TMEM167A: variants seen among roughly 807,000 people sequenced by gnomAD.
The protein encoded by TMEM167A is transmembrane protein 167A.
A neutral mutation model predicts 11.6 loss-of-function variants in TMEM167A; 8 were observed. The ratio of observed to expected loss-of-function variants is 0.69; its 90% CI spans 0.40 to 1.24. TMEM167A has a LOEUF of 1.24. Ranked by LOEUF, TMEM167A falls within the 50% of genes most tolerant of loss-of-function variation. The pLI, the probability that TMEM167A is intolerant of heterozygous loss-of-function variation, is 0.01. For missense variants in TMEM167A, 62 were observed against 87.0 expected, an observed-to-expected ratio of 0.71 and a Z score of 1.14; for synonymous variants, 22 against 28.0, an observed-to-expected ratio of 0.79 and a Z score of 0.67.
chr5:83,065,089 A>G lies in TMEM167A; in HGVS notation c.32T>C (p.Leu11Ser), dbSNP rs1442711139. ...ACATATAAGCAGCAAGATTACAGTC[A>G]ATAGACTCTGAAAATTGAAAATGGC... Reference protein sequence around the residue: MSAIFNFQSLLTVILLLICTC... With the variant: MSAIFNFQSLSTVILLLICTC... The change falls in exon 2 of 4, where the codon TTG becomes TCG. Residue 11 changes from leucine (L) to serine (S), a missense_variant. Physicochemically the swap from Leu to Ser is moderately radical, Grantham distance 145. Transcript: ENST00000502346. The G allele has an allele frequency of 6.9e-6, 11 of 1,593,564 alleles. No homozygotes were observed. Among genetic ancestry groups the G allele is most frequent in the Non-Finnish European group, 9.4e-6 (11 of 1,173,662 alleles).
chr5:83,066,570 T>C lies in TMEM167A; in HGVS notation c.4-1453A>G, dbSNP rs901248501. Among the ~76,000 whole-genome samples the C allele has an allele frequency of 4.6e-5, 7 of 152,268 alleles. No homozygotes were observed. In the East Asian group the frequency reaches 1.3e-3, roughly 29 times the overall value. On this transcript the variant is annotated intron_variant, in intron 1 of 3. Transcript: ENST00000502346. ...CTAGGAATAAGCTTAACAAGAAATG[T>C]GCAACATTGGCATCAAAGAAAAAAA...
At chr5:83,065,611 G>A (rs182116241) in intron 1 of TMEM167A, among the ~76,000 whole-genome samples, 4 of 151,682 alleles carry the variant, frequency 2.6e-5, no homozygotes, top group Non-Finnish European at 5.9e-5. Flanking sequence ...CCAAAATGAT[G>A]CTAAAAAAAA....
rs926335505 is a variant in TMEM167A, at chr5:83,074,718, C to T, written c.3+2603G>A. Among the ~76,000 whole-genome samples the T allele has an allele frequency of 3.9e-5, 6 of 152,102 alleles. No individual in the cohort carries two copies. The East Asian group carries it at 5.8e-4, about 15-fold the overall frequency. On this transcript the variant is annotated intron_variant, in intron 1 of 3. Transcript: ENST00000502346. ...ATGGAATTTACTTATTTAATAATTT[C>T]CCCCACTGGACTGTGAAATCCTTGA...
At chr5:83,062,096 C>G (rs532821263) in intron 2 of TMEM167A, 185 bp from the exon 3 acceptor site, 10 of 521,698 alleles carry the variant, frequency 1.9e-5, no homozygotes, top group Non-Finnish European at 3.1e-5. Context: ...GACACAATGA[C>G]ATATCAACCA....
chr5:83,073,721 G>A lies in TMEM167A; in HGVS notation c.3+3600C>T, dbSNP rs113694380. ...ACCAAGAGAAAATCCATGCAGACAT[G>A]GGAAGAACAGACATGAAGACAACGT... On this transcript the variant is annotated intron_variant, in intron 1 of 3. Transcript: ENST00000502346. Among the ~76,000 whole-genome samples the A allele has an allele frequency of 8.9e-4, 135 of 152,274 alleles. No homozygotes were observed. The Middle Eastern group carries it at 0.014, about 15-fold the overall frequency.
chr5:83,073,030 T>C (rs974718445), intron 1 of TMEM167A, among the ~76,000 whole-genome samples: 3 of 152,190 alleles, frequency 2.0e-5, no homozygotes, highest in African/African-American at 4.8e-5. Flanking sequence ...ACTCCTGACA[T>C]AAAAAATTTG....
At chr5:83,073,023 C>A (rs1220702796) in intron 1 of TMEM167A, among the ~76,000 whole-genome samples, 2 of 152,190 alleles carry the variant, frequency 1.3e-5, no homozygotes, top group African/African-American at 4.8e-5. Context: ...CTCACCCACT[C>A]CTGACATAAA....
At chr5:83,064,951 T>C in intron 2 of TMEM167A, 57 bp downstream of exon 2, 2 of 1,016,412 alleles carry the variant, frequency 2.0e-6, no homozygotes, top group East Asian at 4.8e-5. Context: ...ATATGTTAAC[T>C]TACATTGAAC....
intron 2 of TMEM167A, among the ~76,000 whole-genome samples, chr5:83,062,444 C>G (rs1239127120): frequency 6.6e-6 from 1 of 151,904 alleles, no homozygotes; most frequent in African/African-American, 2.4e-5. Context: ...TAAAAATGTG[C>G]CTATATTTTC....
chr5:83,073,684 G>A (rs1017368267), intron 1 of TMEM167A, among the ~76,000 whole-genome samples: 11 of 152,194 alleles, frequency 7.2e-5, no homozygotes, highest in Admixed American at 2.0e-4. Flanking sequence ...GGATGTAGAA[G>A]GGAACTGGAG....
chr5:83,056,779 T>A lies in TMEM167A; in HGVS notation c.*305A>T, dbSNP rs921211005. On this transcript the variant is annotated 3_prime_UTR_variant, in exon 4 of 4. Transcript: ENST00000502346. ...CTTGAGTAATTAACCAATTTTGTTT[T>A]CTACTATGTGCCTTAGAGATACCTC... is the stretch of plus-strand genomic sequence containing the variant. The A allele has an allele frequency of 6.2e-6, 2 of 323,308 alleles. No individual in the cohort carries two copies. The highest frequency in any genetic ancestry group is 1.1e-5 in the Non-Finnish European group (2 of 176,300). The allele number at this position is 323,308 out of a possible 1,614,324, so 20.0% of individuals were successfully genotyped here.
chr5:83,077,139 A>G lies in TMEM167A; in HGVS notation c.3+182T>C, dbSNP rs551339785. 5.9e-5 allele frequency among the ~76,000 whole-genome samples: 9 copies of G among 152,344 alleles called. No homozygotes were observed. The East Asian group carries it at 1.7e-3, about 29-fold the overall frequency. On this transcript the variant is annotated intron_variant, in intron 1 of 3. Coordinates refer to ENST00000502346, the MANE Select transcript of TMEM167A (RefSeq NM_174909.5). ...TGCATGAGGGGCGGGCTGCCGACCCAGCAGTCTTCCTCGGACAGTCCGTCC... is the reference window on the plus strand; with the variant it reads ...TGCATGAGGGGCGGGCTGCCGACCCGGCAGTCTTCCTCGGACAGTCCGTCC...
At chr5:83,057,228 T>A (rs1170026496) in intron 3 of TMEM167A, 74 bp from the exon 4 acceptor site, 2 of 1,383,148 alleles carry the variant, frequency 1.4e-6, no homozygotes, top group Non-Finnish European at 2.0e-6. Context: ...TATACTACCA[T>A]AAGAATCAAG....
Position 83,057,168 on chromosome 5 carries a change from G to A in TMEM167A, c.149-14C>T, listed in dbSNP as rs1391078063. 2 of 1,610,478 alleles carry A rather than the reference G, an allele frequency of 1.2e-6. No homozygotes were observed. The highest frequency in any genetic ancestry group is 1.7e-5 in the Admixed American group (1 of 59,876). On this transcript the variant is annotated splice_polypyrimidine_tract_variant and intron_variant, in intron 3 of 3. Coordinates refer to ENST00000502346, the MANE Select transcript of TMEM167A (RefSeq NM_174909.5). ...TCTTCCGTTCACCTGTTGAAAAAAA[G>A]GAGATGTTCATCTTGATTAACTGAG...
intron 1 of TMEM167A, among the ~76,000 whole-genome samples, chr5:83,067,463 T>C (rs1056664298): frequency 1.3e-5 from 2 of 152,200 alleles, no homozygotes; most frequent in African/African-American, 4.8e-5. Flanking sequence ...TAAACTTTTA[T>C]GCAAAGAAAG....
At position 83,056,724 on chromosome 5, in the gene TMEM167A, T is replaced by G. The variant is rs1744336922; in HGVS notation, c.*360A>C. 1 of 261,026 alleles carries G rather than the reference T, an allele frequency of 3.8e-6. No individual in the cohort carries two copies. The highest frequency in any genetic ancestry group is 5.7e-5 in the Admixed American group (1 of 17,570). 16.2% of individuals were successfully genotyped at this position (261,026 alleles called of 1,614,324 possible). ...AAAAAGGTTCTCATTCTATAAAGAT[T>G]AAATCATTTCCAAATCACAGTGAAA... is the stretch of plus-strand genomic sequence containing the variant. On this transcript the variant is annotated 3_prime_UTR_variant, in exon 4 of 4. Coordinates refer to ENST00000502346, the MANE Select transcript of TMEM167A (RefSeq NM_174909.5).
chr5:83,073,587 G>A (rs186999022), intron 1 of TMEM167A, among the ~76,000 whole-genome samples: 51 of 152,320 alleles, frequency 3.3e-4, no homozygotes, highest in Admixed American at 3.3e-3. Context: ...CATCCCAGTA[G>A]CCTGGAGTAT....
chr5:83,062,347 C>T (rs1315089652), intron 2 of TMEM167A, among the ~76,000 whole-genome samples: 6 of 152,114 alleles, frequency 3.9e-5, no homozygotes, highest in Admixed American at 3.3e-4. Context: ...TAATTTCTTA[C>T]AGAATGTAGC....
intron 3 of TMEM167A, among the ~76,000 whole-genome samples, chr5:83,059,475 A>G (rs1308243441): frequency 1.3e-5 from 2 of 151,824 alleles, no homozygotes; most frequent in Non-Finnish European, 2.9e-5. Flanking sequence ...CTCTCTTTGT[A>G]CTTTACTTGA....
Sources: allele counts gnomAD v4.1 joint callset (sites outside exome capture counted in the v4.1 genomes callset), GRCh38; gene constraint gnomAD v4.1.1; transcripts MANE v1.5; gene names NCBI Gene and HGNC (gene_info 2026-07-23, HGNC 2026-07-21).